ECT2L: variants seen among roughly 807,000 people sequenced by gnomAD.
ECT2L encodes the protein epithelial cell transforming 2 like, also known as epithelial cell-transforming sequence 2 oncogene-like.
In ECT2L, 126 loss-of-function variants were observed where a neutral mutation model predicts 122.8. The ratio of observed to expected loss-of-function variants is 1.03; its 90% CI spans 0.89 to 1.19. The LOEUF (loss-of-function observed/expected upper bound fraction) is 1.19, where lower values mean the gene tolerates loss of function less well. Among genes scored for constraint, ECT2L ranks in the 50% most tolerant of loss-of-function variants. ECT2L has a pLI of 0.00. For synonymous variants in ECT2L, 385 were observed against 381.8 expected, an observed-to-expected ratio of 1.01 and a Z score of -0.10; for missense variants, 1,012 against 1,064.1, an observed-to-expected ratio of 0.95 and a Z score of 0.68.
At chr6:138,877,630 C>T (rs1186196092) in intron 14 of ECT2L, among the ~76,000 whole-genome samples, 1 of 152,104 alleles carries the variant, frequency 6.6e-6, no homozygotes, top group Non-Finnish European at 1.5e-5. Context: ...TCTAGACAGA[C>T]CATGTGTTTG....
Position 138,888,932 on chromosome 6 carries a change from T to C in ECT2L, c.2326-11T>C. On this transcript the variant is annotated splice_polypyrimidine_tract_variant and intron_variant, in intron 19 of 21. Coordinates refer to ENST00000541398, the MANE Select transcript of ECT2L (RefSeq NM_001077706.3). ...TTATATGTACTTCTAATTTTGTTTT[T>C]GATTTTACAGACTCTATCAGAAGTA... 7.1e-7 allele frequency: 1 copy of C among 1,406,314 alleles called. No individual in the cohort carries two copies. The highest frequency in any genetic ancestry group is 9.4e-7 in the Non-Finnish European group (1 of 1,063,548). 87.1% of individuals were successfully genotyped at this position (1,406,314 alleles called of 1,614,324 possible).
intron 13 of ECT2L, among the ~76,000 whole-genome samples, chr6:138,872,404 A>G (rs569687448): frequency 6.6e-6 from 1 of 152,300 alleles, no homozygotes; most frequent in East Asian, 1.9e-4. Context: ...CTGATACACA[A>G]ATAGGTGGTG....
chr6:138,853,892 G>C (rs1038378883), intron 9 of ECT2L, 134 bp from the exon 10 acceptor site: 11 of 942,766 alleles, frequency 1.2e-5, no homozygotes, highest in Non-Finnish European at 1.6e-5. Context: ...GGAGGAAGCA[G>C]AGATGCCTCA....
At chr6:138,846,133 T>G (rs540181994) in intron 7 of ECT2L, among the ~76,000 whole-genome samples, 9 of 152,060 alleles carry the variant, frequency 5.9e-5, no homozygotes, top group Non-Finnish European at 1.2e-4. Context: ...GCTCCTGGTA[T>G]TGTTGGGGGT....
intron 1 of ECT2L, among the ~76,000 whole-genome samples, chr6:138,798,131 C>A (rs951294210): frequency 5.9e-5 from 9 of 152,128 alleles, no homozygotes; most frequent in Non-Finnish European, 1.2e-4. Flanking sequence ...CTTCTCAGCC[C>A]CTCCACATGT....
At chr6:138,852,346 G>A (rs1402060482) in intron 9 of ECT2L, among the ~76,000 whole-genome samples, 1 of 149,942 alleles carries the variant, frequency 6.7e-6, no homozygotes, top group Non-Finnish European at 1.5e-5. Context: ...TTTTTTTTCC[G>A]GGAGAAAGAG....
chr6:138,849,132 G>A (rs983973713), intron 8 of ECT2L, 137 bp from the exon 9 acceptor site: 6 of 827,706 alleles, frequency 7.2e-6, no homozygotes, highest in African/African-American at 3.6e-5. Flanking sequence ...AAACCAAGGA[G>A]GAAGCTTATC....
chr6:138,830,718 TTCC>T (rs1355755608), intron 4 of ECT2L, among the ~76,000 whole-genome samples: 3 of 152,196 alleles, frequency 2.0e-5, no homozygotes, highest in African/African-American at 4.8e-5. Context: ...TTAATCTGGC[TTCC>T]TCCTACCTCT....
intron 4 of ECT2L, among the ~76,000 whole-genome samples, chr6:138,833,907 C>T (rs1458032237): frequency 6.6e-6 from 1 of 152,050 alleles, no homozygotes; most frequent in Admixed American, 6.5e-5. Context: ...TGTAAAGAAG[C>T]CACCCGACAA....
intron 13 of ECT2L, among the ~76,000 whole-genome samples, chr6:138,872,213 G>C (rs1023116921): frequency 6.6e-6 from 1 of 152,192 alleles, no homozygotes; most frequent in Non-Finnish European, 1.5e-5. Flanking sequence ...CTTGCTGGCT[G>C]CCCTGCCCCC....
At chr6:138,804,119 G>A (rs879435618) in intron 1 of ECT2L, among the ~76,000 whole-genome samples, 1 of 152,176 alleles carries the variant, frequency 6.6e-6, no homozygotes, top group Non-Finnish European at 1.5e-5. Context: ...GCTGTGGAGT[G>A]ATTTTTTTCC....
chr6:138,874,583 A>T (rs1405399818), intron 13 of ECT2L, among the ~76,000 whole-genome samples: 4 of 152,180 alleles, frequency 2.6e-5, no homozygotes, highest in African/African-American at 9.7e-5. Context: ...TAAAATAGCC[A>T]AGGTGGTCTG....
chr6:138,827,739 A>G (rs1173891504), intron 4 of ECT2L, among the ~76,000 whole-genome samples: 2 of 152,090 alleles, frequency 1.3e-5, no homozygotes, highest in African/African-American at 2.4e-5. Context: ...TTATATTTTT[A>G]GTAGAGACGG....
intron 15 of ECT2L, among the ~76,000 whole-genome samples, chr6:138,882,409 C>T (rs1311546953): frequency 6.6e-6 from 1 of 152,202 alleles, no homozygotes; most frequent in Non-Finnish European, 1.5e-5. Flanking sequence ...ACTGTAAGAA[C>T]TTTCACCCAT....
Position 138,902,906 on chromosome 6 carries a change from C to A in ECT2L, c.*279C>A. ...TTTAGAGTAATTTGATGTGATGAAA[C>A]CTAAGACAGAGCAAGCACATTGTGT... is the stretch of plus-strand genomic sequence containing the variant. On this transcript the variant is annotated 3_prime_UTR_variant, in exon 22 of 22. Transcript: ENST00000541398. 3.0e-6 allele frequency: 1 copy of A among 335,280 alleles called. No homozygotes were observed. The highest frequency in any genetic ancestry group is 3.1e-5 in the South Asian group (1 of 32,280). The allele number at this position is 335,280 out of a possible 1,614,324, so 20.8% of individuals were successfully genotyped here. A position where few individuals can be genotyped will look rare whatever the true frequency, so the allele number is the denominator to read the frequency against.
chr6:138,848,531 A>G (rs1777313395), intron 8 of ECT2L, among the ~76,000 whole-genome samples: 1 of 152,242 alleles, frequency 6.6e-6, no homozygotes, highest in Non-Finnish European at 1.5e-5. Context: ...ATAGGGATAT[A>G]TACTTAGAAA....
chr6:138,858,724 T>G (rs1582623741), intron 10 of ECT2L, among the ~76,000 whole-genome samples: 1 of 57,052 alleles, frequency 1.8e-5, no homozygotes, highest in African/African-American at 8.1e-5. Flanking sequence ...TTTTTTTTTT[T>G]GAGACAGGGT....
intron 4 of ECT2L, among the ~76,000 whole-genome samples, chr6:138,837,194 A>G (rs1776870359): frequency 6.6e-6 from 1 of 152,166 alleles, no homozygotes; most frequent in Admixed American, 6.5e-5. Flanking sequence ...ATTTCTCTCC[A>G]ACTGCATATA....
At chr6:138,798,645 T>C (rs1394818754) in intron 1 of ECT2L, among the ~76,000 whole-genome samples, 1 of 152,154 alleles carries the variant, frequency 6.6e-6, no homozygotes, top group Non-Finnish European at 1.5e-5. Flanking sequence ...ATTTCCGAGT[T>C]CCTCATCAAT....
Sources: allele counts gnomAD v4.1 joint callset (sites outside exome capture counted in the v4.1 genomes callset), GRCh38; gene constraint gnomAD v4.1.1; transcripts MANE v1.5; gene names NCBI Gene and HGNC (gene_info 2026-07-23, HGNC 2026-07-21).